DMD: variants seen among roughly 807,000 people sequenced by gnomAD.
DMD encodes mutant dystrophin.
DMD carries 63 observed loss-of-function variants against 330.1 expected under a neutral mutation model. That is an observed-to-expected ratio of 0.19 (90% CI 0.16 to 0.24). The LOEUF (loss-of-function observed/expected upper bound fraction) is 0.24, where lower values mean the gene tolerates loss of function less well. Among genes scored for constraint, DMD ranks in the 10% least tolerant of loss-of-function variants. DMD has a pLI of 1.00. For missense variants in DMD, 3,344 were observed against 2,684.1 expected, an observed-to-expected ratio of 1.25 and a Z score of -5.43; for synonymous variants, 1,223 against 959.8, an observed-to-expected ratio of 1.27 and a Z score of -5.07.
chrX:32,805,840 A>G (rs1253570238), intron 7 of DMD, among the ~76,000 whole-genome samples: 3 of 112,025 alleles, frequency 2.7e-5, no homozygotes, highest in Admixed American at 1.9e-4. Context: ...ACTAAGCTTC[A>G]TAAGCGAAGG....
intron 62 of DMD, chrX:31,266,999 G>C (rs2051221668): frequency 2.6e-6 from 2 of 776,708 alleles, no homozygotes; most frequent in East Asian, 4.0e-5. Context: ...GCTGCGGGCA[G>C]ACGGGGCGGG....
chrX:31,200,124 G>A (rs182638666), intron 67 of DMD, among the ~76,000 whole-genome samples: 2 of 112,038 alleles, frequency 1.8e-5, no homozygotes, highest in East Asian at 5.6e-4. Context: ...AGTAATGAAA[G>A]CCTCGCCATA....
At chrX:31,721,668 ATCTCTCTCTCTCTCTCAC>A (rs780359408) in intron 52 of DMD, among the ~76,000 whole-genome samples, 272 of 32,409 alleles carry the variant, frequency 8.4e-3, no homozygotes, top group East Asian at 0.015. Flanking sequence ...ATTATTACCA[ATCTCTCTCTCTCTCTCAC>A]TCTCTCTCTC....
rs1485960813 is a variant in DMD, at chrX:32,804,513, G to A, written c.649+4980C>T. Among the ~76,000 whole-genome samples, 4 of 112,518 alleles carry A rather than the reference G, an allele frequency of 3.6e-5. No homozygotes were observed. The East Asian group carries it at 1.1e-3, about 32-fold the overall frequency. On this transcript the variant is annotated intron_variant, in intron 7 of 78. Transcript: ENST00000357033. ...ATAAAACTCCCATCTCCCTGAGACA[G>A]AGCACGTGAGGGAAGGGGCAGCTGT...
chrX:33,323,711 C>A (rs899827269), intron 1 of DMD, among the ~76,000 whole-genome samples: 1 of 111,381 alleles, frequency 9.0e-6, no homozygotes, highest in Non-Finnish European at 1.9e-5. Context: ...TGCATTCATG[C>A]CGAGCACATA....
intron 7 of DMD, among the ~76,000 whole-genome samples, chrX:32,730,903 AG>A (rs2067518467): frequency 8.9e-6 from 1 of 111,814 alleles, no homozygotes; most frequent in African/African-American, 3.3e-5. Flanking sequence ...ATTTGAGAGG[AG>A]GAGCCAAGAT....
At chrX:31,799,534 T>A (rs757463383) in intron 50 of DMD, among the ~76,000 whole-genome samples, 151 of 111,508 alleles carry the variant, frequency 1.4e-3, no homozygotes, top group African/African-American at 4.9e-3. Context: ...CCTGGGGATT[T>A]TGGAGATTAC....
At chrX:32,823,203 T>C (rs915314125) in intron 5 of DMD, 92 bp downstream of exon 5, 6 of 733,771 alleles carry the variant, frequency 8.2e-6, no homozygotes, top group Middle Eastern at 3.6e-4. Flanking sequence ...TTGTTATTGT[T>C]AGAAATACAC....
chrX:31,319,695 C>A (rs2148262219), intron 62 of DMD, among the ~76,000 whole-genome samples: 1 of 112,580 alleles, frequency 8.9e-6, no homozygotes, highest in South Asian at 3.7e-4. Flanking sequence ...GTTGGTCTGA[C>A]CCAGTGTGAT....
chrX:31,986,505 C>T (rs1489954694), intron 44 of DMD, among the ~76,000 whole-genome samples: 2 of 110,868 alleles, frequency 1.8e-5, no homozygotes, highest in South Asian at 7.7e-4. Flanking sequence ...CTCTGCCTCC[C>T]GGGTTCAAGC....
intron 44 of DMD, among the ~76,000 whole-genome samples, chrX:32,038,576 T>C (rs2095971517): frequency 9.0e-6 from 1 of 110,832 alleles, no homozygotes; most frequent in South Asian, 3.9e-4. Context: ...AGGGACCTTG[T>C]TGGTCAGACT....
At chrX:33,322,617 CTTTCAGTG>C (rs980116211) in intron 1 of DMD, among the ~76,000 whole-genome samples, 1 of 111,376 alleles carries the variant, frequency 9.0e-6, no homozygotes, top group Admixed American at 9.6e-5. Flanking sequence ...TCTTTCTATG[CTTTCAGTG>C]TTACTAAGTG....
intron 63 of DMD, among the ~76,000 whole-genome samples, chrX:31,230,628 G>A (rs1319845942): frequency 3.8e-5 from 4 of 106,126 alleles, no homozygotes; most frequent in East Asian, 5.8e-4. Flanking sequence ...CAGCCTGGGC[G>A]ACAGAATGAG....
intron 7 of DMD, among the ~76,000 whole-genome samples, chrX:32,737,076 CAT>C (rs1439596738): frequency 9.1e-6 from 1 of 109,992 alleles, no homozygotes; most frequent in Non-Finnish European, 1.9e-5. Context: ...AAAATTGTTT[CAT>C]ATGTTATTAT....
At chrX:31,888,835 C>A (rs983825967) in intron 47 of DMD, among the ~76,000 whole-genome samples, 3 of 112,209 alleles carry the variant, frequency 2.7e-5, no homozygotes, top group Admixed American at 1.9e-4. Context: ...TGACTAATTA[C>A]AAATCATTTT....
intron 74 of DMD, among the ~76,000 whole-genome samples, chrX:31,164,453 A>G (rs2039200208): frequency 9.0e-6 from 1 of 111,564 alleles, no homozygotes; most frequent in African/African-American, 3.3e-5. Flanking sequence ...CTCCTCCTGA[A>G]TTATCAGTCC....
At chrX:32,698,238 T>C (rs2063800881) in intron 8 of DMD, among the ~76,000 whole-genome samples, 1 of 111,552 alleles carries the variant, frequency 9.0e-6, no homozygotes, top group African/African-American at 3.3e-5. Flanking sequence ...TATTTAGCCA[T>C]GAGGATTCCA....
chrX:33,232,919 G>T (rs1365702909), intron 1 of DMD, among the ~76,000 whole-genome samples: 1 of 111,287 alleles, frequency 9.0e-6, no homozygotes, highest in Non-Finnish European at 1.9e-5. Flanking sequence ...GATTACCACA[G>T]AAATGGCGGA....
intron 47 of DMD, among the ~76,000 whole-genome samples, chrX:31,904,182 T>C (rs1190037167): frequency 1.8e-5 from 2 of 111,658 alleles, no homozygotes; most frequent in African/African-American, 6.5e-5. Flanking sequence ...TTTTGAAATA[T>C]GAAGGAATAA....
Sources: gnomAD v4.1 joint callset for allele counts (sites outside exome capture counted in the v4.1 genomes callset) on GRCh38, gnomAD v4.1.1 for gene constraint, MANE v1.5 for transcripts, NCBI Gene and HGNC (gene_info 2026-07-23, HGNC 2026-07-21) for gene names.